The following STXBP5L variants were observed in gnomAD, a reference collection of about 807,000 sequenced individuals.
STXBP5L encodes syntaxin binding protein 5L, also known as syntaxin-binding protein 5-like.
In STXBP5L, 65 loss-of-function variants were observed where a neutral mutation model predicts 144.5. That is an observed-to-expected ratio of 0.45 (90% CI 0.37 to 0.55). The LOEUF (loss-of-function observed/expected upper bound fraction) is 0.55. Among genes scored for constraint, STXBP5L ranks in the 20% least tolerant of loss-of-function variants. The probability of loss-of-function intolerance (pLI) is 0.00; values close to 1 mark genes in which losing one functional copy is unlikely to be tolerated. For synonymous variants in STXBP5L, 505 were observed against 469.6 expected (o/e 1.08, Z -0.97); for missense variants, 1,298 against 1,405.5 (o/e 0.92, Z 1.22).
intron 13 of STXBP5L, 80 bp from the exon 14 acceptor site, chr3:121,240,360 C>T: frequency 7.7e-7 from 1 of 1,295,926 alleles, no homozygotes; most frequent in South Asian, 1.4e-5. Context: ...AGCTTTTTAT[C>T]ATTATTTTAA....
At chr3:120,952,831 C>T (rs1711356242) in intron 2 of STXBP5L, among the ~76,000 whole-genome samples, 1 of 151,966 alleles carries the variant, frequency 6.6e-6, no homozygotes, top group South Asian at 2.1e-4. Context: ...TTCTTTTGTA[C>T]CCTGTCACCC....
At chr3:121,301,896 C>A (rs1345226034) in intron 19 of STXBP5L, among the ~76,000 whole-genome samples, 3 of 152,090 alleles carry the variant, frequency 2.0e-5, no homozygotes, top group Non-Finnish European at 4.4e-5. Flanking sequence ...GGGATGAAGC[C>A]CACTTGACTA....
In STXBP5L at chr3:121,310,966, T is replaced by C. The variant is rs183105096; in HGVS notation, c.2111-7509T>C. Among the ~76,000 whole-genome samples, 90 of 150,584 alleles carry C rather than the reference T, an allele frequency of 6.0e-4. 1 individual carries two copies. The East Asian group carries it at 0.016, about 27-fold the overall frequency. On this transcript the variant is annotated intron_variant, in intron 19 of 26. Transcript: ENST00000471454. ...AGATAAATCACATACTGAAAGAAAA[T>C]ATTCACAATGCCTATTTTTGACTAA...
At chr3:121,186,141 C>T (rs1227606541) in intron 9 of STXBP5L, among the ~76,000 whole-genome samples, 3 of 152,022 alleles carry the variant, frequency 2.0e-5, no homozygotes, top group African/African-American at 2.4e-5. Flanking sequence ...TTTTGCACAT[C>T]GATTTTGTAT....
chr3:121,083,242 A>G (rs775573173), intron 5 of STXBP5L, among the ~76,000 whole-genome samples: 3 of 152,108 alleles, frequency 2.0e-5, no homozygotes, highest in East Asian at 1.9e-4. Context: ...TTACATTTCT[A>G]TTCATCAGGG....
intron 5 of STXBP5L, chr3:121,099,700 C>T (rs1252533194): frequency 1.3e-5 from 2 of 153,106 alleles, no homozygotes; most frequent in African/African-American, 4.8e-5. Flanking sequence ...ACCCTGACTC[C>T]AAGCCTTGCT....
At chr3:121,055,335 G>A (rs914273719) in intron 5 of STXBP5L, among the ~76,000 whole-genome samples, 2 of 151,986 alleles carry the variant, frequency 1.3e-5, no homozygotes, top group Non-Finnish European at 2.9e-5. Flanking sequence ...GTTTAATTCT[G>A]TAAATTTTCT....
At chr3:121,044,158 C>G (rs755340846) in intron 4 of STXBP5L, among the ~76,000 whole-genome samples, 5 of 152,090 alleles carry the variant, frequency 3.3e-5, no homozygotes, top group Admixed American at 6.6e-5. Context: ...ATATATACAT[C>G]TTTGAACATG....
intron 3 of STXBP5L, among the ~76,000 whole-genome samples, chr3:120,986,629 G>T (rs532370552): frequency 2.6e-5 from 4 of 151,862 alleles, no homozygotes; most frequent in Admixed American, 6.6e-5. Flanking sequence ...TACATTTAAA[G>T]TACATTTTGT....
At chr3:121,253,179 C>T (rs1415191250) in intron 15 of STXBP5L, among the ~76,000 whole-genome samples, 4 of 151,740 alleles carry the variant, frequency 2.6e-5, no homozygotes, top group Non-Finnish European at 5.9e-5. Context: ...GGCTATAGCA[C>T]GCAATACAAT....
intron 5 of STXBP5L, among the ~76,000 whole-genome samples, chr3:121,094,555 T>A (rs2043010796): frequency 6.6e-6 from 1 of 152,086 alleles, no homozygotes. Context: ...TTGATCTTTG[T>A]TGGTTTAAAG....
At chr3:121,213,708 C>G (rs968238148) in intron 10 of STXBP5L, among the ~76,000 whole-genome samples, 5 of 152,144 alleles carry the variant, frequency 3.3e-5, no homozygotes, top group Non-Finnish European at 7.3e-5. Flanking sequence ...GTTTTGGTAT[C>G]AGGATGACCC....
chr3:121,378,927 T>A (rs2046259241), intron 21 of STXBP5L, 41 bp downstream of exon 21: 2 of 1,585,410 alleles, frequency 1.3e-6, no homozygotes. Context: ...CAGTTAAAAT[T>A]TGGTTTACAA....
chr3:121,253,930 G>A (rs978390551), intron 15 of STXBP5L, among the ~76,000 whole-genome samples: 1 of 151,018 alleles, frequency 6.6e-6, no homozygotes, highest in Admixed American at 6.6e-5. Context: ...TGGGATTACA[G>A]GCGTGAGCCA....
At chr3:121,001,155 A>G (rs1943742882) in intron 3 of STXBP5L, among the ~76,000 whole-genome samples, 1 of 152,248 alleles carries the variant, frequency 6.6e-6, no homozygotes, top group South Asian at 2.1e-4. Context: ...GGGTCTGTGC[A>G]TAGGCATGTG....
chr3:121,333,105 G>C (rs937511564), intron 20 of STXBP5L, among the ~76,000 whole-genome samples: 1 of 152,060 alleles, frequency 6.6e-6, no homozygotes, highest in Non-Finnish European at 1.5e-5. Context: ...GAAACCAAAG[G>C]TCAATATGCA....
At chr3:121,063,213 G>A (rs1279490943) in intron 5 of STXBP5L, among the ~76,000 whole-genome samples, 1 of 152,122 alleles carries the variant, frequency 6.6e-6, no homozygotes, top group Non-Finnish European at 1.5e-5. Context: ...CCTTTTTGTT[G>A]ATGTTGATAC....
intron 2 of STXBP5L, among the ~76,000 whole-genome samples, chr3:120,921,800 T>G (rs1709370682): frequency 6.6e-6 from 1 of 151,934 alleles, no homozygotes; most frequent in Non-Finnish European, 1.5e-5. Context: ...TATCTGGGTT[T>G]TCTGTTCTGT....
chr3:121,148,689 G>T (rs1160546228), intron 7 of STXBP5L, among the ~76,000 whole-genome samples: 1 of 152,074 alleles, frequency 6.6e-6, no homozygotes, highest in East Asian at 1.9e-4. Context: ...ACATGAAGTG[G>T]TTGGTATAAC....
Sources: allele counts gnomAD v4.1 joint callset (sites outside exome capture counted in the v4.1 genomes callset), GRCh38; gene constraint gnomAD v4.1.1; transcripts MANE v1.5; gene names NCBI Gene and HGNC (gene_info 2026-07-23, HGNC 2026-07-21).